The following EFNA5 variants were observed in gnomAD, a reference collection of about 807,000 sequenced individuals.
EFNA5 encodes ephrin A5.
Under a neutral mutation model 22.9 loss-of-function variants are expected in EFNA5, and 5 were observed. That is an observed-to-expected ratio of 0.22 (90% CI 0.11 to 0.46). The LOEUF is 0.46. Ranked by LOEUF, EFNA5 falls within the 20% of genes least tolerant of loss-of-function variation. The pLI is 0.99. For missense variants in EFNA5, 237 were observed against 293.3 expected (o/e 0.81, Z 1.40); for synonymous variants, 113 against 112.2 (o/e 1.01, Z -0.04).
At chr5:107,642,706 A>C (rs1750553370) in intron 1 of EFNA5, among the ~76,000 whole-genome samples, 1 of 152,202 alleles carries the variant, frequency 6.6e-6, no homozygotes, top group Non-Finnish European at 1.5e-5. Context: ...GAGAAGAAAA[A>C]GTAAAATGTT....
At chr5:107,612,859 G>A (rs1749843639) in intron 1 of EFNA5, among the ~76,000 whole-genome samples, 1 of 152,108 alleles carries the variant, frequency 6.6e-6, no homozygotes, top group Non-Finnish European at 1.5e-5. Flanking sequence ...TAAGATCCCA[G>A]AATCCTCTTA....
rs375283203 is a variant in EFNA5, at chr5:107,498,742, C to T, written c.126-71233G>A. 3.9e-5 allele frequency among the ~76,000 whole-genome samples: 6 copies of T among 152,210 alleles called. 1 individual carries two copies. The highest frequency in any genetic ancestry group is 3.4e-3 in the Middle Eastern group (1 of 294). ...ACAGGTTGAATGCCATGAAGCTAGC[C>T]CTGCACCTCAGACCTCTGGCCAATA... On this transcript the variant is annotated intron_variant, in intron 1 of 4. Coordinates refer to ENST00000333274, the MANE Select transcript of EFNA5 (RefSeq NM_001962.3).
At position 107,606,200 on chromosome 5, in the gene EFNA5, C is replaced by CT. The variant is rs1052254366; in HGVS notation, c.125+64288dup. The stretch of plus-strand genomic sequence containing the variant: ...TGCAATGAAGCCACTTTTTACTTGA[C>CT]TTTTTTTTTAAAGTCCTTTCCCAAA... On this transcript the variant is annotated intron_variant, in intron 1 of 4. Transcript: ENST00000333274. Among the ~76,000 whole-genome samples the CT allele has an allele frequency of 6.6e-5, 10 of 151,504 alleles. No homozygotes were observed. In the East Asian group the frequency reaches 1.4e-3, roughly 21 times the overall value.
intron 1 of EFNA5, among the ~76,000 whole-genome samples, chr5:107,630,886 C>T (rs1229360898): frequency 6.6e-6 from 1 of 151,880 alleles, no homozygotes; most frequent in Non-Finnish European, 1.5e-5. Context: ...TTGTTAAAAA[C>T]GAAGACATAA....
rs998850099 is a variant in EFNA5, at chr5:107,583,616, A to G, written c.125+86873T>C. Among the ~76,000 whole-genome samples, 7 of 152,176 alleles carry G rather than the reference A, an allele frequency of 4.6e-5. No individual in the cohort carries two copies. In the East Asian group the frequency reaches 1.2e-3, roughly 25 times the overall value. Reference sequence around the variant, plus strand: ...CCTTTGGAGCATCTGCGTGGGTTACACTATGGCTAGGGAGCAAAGACAGAG... The same window carrying G: ...CCTTTGGAGCATCTGCGTGGGTTACGCTATGGCTAGGGAGCAAAGACAGAG... On this transcript the variant is annotated intron_variant, in intron 1 of 4. Transcript: ENST00000333274.
intron 1 of EFNA5, among the ~76,000 whole-genome samples, chr5:107,643,428 G>A (rs1276352788): frequency 6.6e-6 from 1 of 152,104 alleles, no homozygotes; most frequent in Non-Finnish European, 1.5e-5. Context: ...ATTGCTTCCT[G>A]ATCATTCAGG....
intron 1 of EFNA5, among the ~76,000 whole-genome samples, chr5:107,474,934 C>A (rs913633122): frequency 3.3e-5 from 5 of 152,192 alleles, no homozygotes; most frequent in Non-Finnish European, 7.4e-5. Context: ...ACATAAAAAT[C>A]ATTGTCATTA....
intron 1 of EFNA5, among the ~76,000 whole-genome samples, chr5:107,485,739 G>A (rs980144365): frequency 6.6e-6 from 1 of 152,184 alleles, no homozygotes; most frequent in Admixed American, 6.5e-5. Flanking sequence ...AAGTCAAAGA[G>A]ATTGACCAAG....
At chr5:107,618,243 C>A (rs1193952314) in intron 1 of EFNA5, among the ~76,000 whole-genome samples, 2 of 152,110 alleles carry the variant, frequency 1.3e-5, no homozygotes, top group Non-Finnish European at 2.9e-5. Context: ...GCTTTCAGTG[C>A]TAATTTGATA....
intron 1 of EFNA5, among the ~76,000 whole-genome samples, chr5:107,579,171 C>T (rs1202577128): frequency 6.6e-6 from 1 of 152,062 alleles, no homozygotes; most frequent in Non-Finnish European, 1.5e-5. Context: ...TACAGAAGGA[C>T]ATTATAGTGC....
chr5:107,605,588 C>T (rs966192094), intron 1 of EFNA5, among the ~76,000 whole-genome samples: 9 of 150,586 alleles, frequency 6.0e-5, no homozygotes, highest in African/African-American at 2.2e-4. Context: ...CCGACAATTT[C>T]ACCTTCAAAC....
At chr5:107,396,258 A>AT (rs1747921465) in intron 2 of EFNA5, among the ~76,000 whole-genome samples, 1 of 152,086 alleles carries the variant, frequency 6.6e-6, no homozygotes, top group Non-Finnish European at 1.5e-5. Context: ...TCCCTGGTTC[A>AT]TTCTTTTTGA....
chr5:107,635,765 T>C (rs1750359983), intron 1 of EFNA5, among the ~76,000 whole-genome samples: 1 of 152,166 alleles, frequency 6.6e-6, no homozygotes, highest in South Asian at 2.1e-4. Context: ...GAAATGGAGA[T>C]GTATCAATTC....
intron 1 of EFNA5, 36 bp downstream of exon 1, chr5:107,670,453 C>G: frequency 1.3e-6 from 2 of 1,533,638 alleles, no homozygotes; most frequent in Non-Finnish European, 1.8e-6. Context: ...CCCCGAGGCC[C>G]GGGTAGCCCT....
intron 2 of EFNA5, chr5:107,426,875 TG>T (rs1401028655): frequency 3.5e-5 from 9 of 253,676 alleles, no homozygotes; most frequent in African/African-American, 2.1e-4. Context: ...CTCCAAGCTA[TG>T]TAAATTTAAT....
chr5:107,621,697 A>T (rs556295437), intron 1 of EFNA5, among the ~76,000 whole-genome samples: 2 of 152,356 alleles, frequency 1.3e-5, no homozygotes, highest in South Asian at 4.1e-4. Context: ...ATGAGGATTA[A>T]ATGAGCATTA....
intron 1 of EFNA5, among the ~76,000 whole-genome samples, chr5:107,585,645 G>A (rs1749169264): frequency 6.6e-6 from 1 of 152,176 alleles, no homozygotes; most frequent in Non-Finnish European, 1.5e-5. Context: ...TCCAACAGGT[G>A]AAGGTAACTA....
At chr5:107,424,273 C>G (rs1748749192) in intron 2 of EFNA5, among the ~76,000 whole-genome samples, 1 of 126,544 alleles carries the variant, frequency 7.9e-6, no homozygotes, top group Non-Finnish European at 1.6e-5. Flanking sequence ...GTGGCTCAAT[C>G]TCGGCTCACT....
chr5:107,665,458 C>T (rs1751046255), intron 1 of EFNA5, among the ~76,000 whole-genome samples: 1 of 152,214 alleles, frequency 6.6e-6, no homozygotes, highest in Non-Finnish European at 1.5e-5. Flanking sequence ...TCAGCCACAA[C>T]ACACATGACA....
Sources: gnomAD v4.1 joint callset for allele counts (sites outside exome capture counted in the v4.1 genomes callset) on GRCh38, gnomAD v4.1.1 for gene constraint, MANE v1.5 for transcripts, NCBI Gene and HGNC (gene_info 2026-07-23, HGNC 2026-07-21) for gene names.